Variants in RYR3 observed in about 807,000 individuals in gnomAD.
The protein encoded by RYR3 is brain ryanodine receptor-calcium release channel.
Under a neutral mutation model 584.3 loss-of-function variants are expected in RYR3, and 207 were observed. The ratio of observed to expected loss-of-function variants is 0.35; its 90% CI spans 0.32 to 0.40. The LOEUF (loss-of-function observed/expected upper bound fraction) is 0.40. Ranked by LOEUF, RYR3 falls within the 10% of genes least tolerant of loss-of-function variation. RYR3 has a pLI of 1.00. For missense variants in RYR3, 5,616 were observed against 6,089.2 expected, an observed-to-expected ratio of 0.92 and a Z score of 2.59; for synonymous variants, 2,416 against 2,248.5, an observed-to-expected ratio of 1.07 and a Z score of -2.11.
chr15:33,342,153 A>G (rs937166662), intron 1 of RYR3, among the ~76,000 whole-genome samples: 1 of 152,226 alleles, frequency 6.6e-6, no homozygotes, highest in African/African-American at 2.4e-5. Context: ...TAGTGGGCGT[A>G]TTACTTCGGC....
At chr15:33,856,960 G>C (rs1254133442) in intron 98 of RYR3, among the ~76,000 whole-genome samples, 1 of 152,062 alleles carries the variant, frequency 6.6e-6, no homozygotes, top group Non-Finnish European at 1.5e-5. Context: ...TGCCCGGCCT[G>C]GGGTTTTTTA....
chr15:33,572,747 G>A (rs2058098489), intron 12 of RYR3, among the ~76,000 whole-genome samples: 1 of 151,754 alleles, frequency 6.6e-6, no homozygotes, highest in South Asian at 2.1e-4. Flanking sequence ...GGCCAAGGTG[G>A]GCGAATCACC....
intron 1 of RYR3, among the ~76,000 whole-genome samples, chr15:33,346,695 A>G (rs8037480): frequency 0.077 from 11,746 of 152,226 alleles, 903 homozygotes; most frequent in African/African-American, 0.2. Flanking sequence ...ATGGTAGGCA[A>G]GGTTTTCCCC....
At chr15:33,562,313 A>T (rs1487650190) in intron 10 of RYR3, among the ~76,000 whole-genome samples, 3 of 152,228 alleles carry the variant, frequency 2.0e-5, no homozygotes, top group African/African-American at 7.2e-5. Context: ...ACATTAGCTT[A>T]AGCCACGGTA....
Position 33,628,564 on chromosome 15 carries a change from A to T in RYR3, c.2668A>T (p.Thr890Ser). ...WGMNKIELGW[T>S]FGKIRDDNKR... ...AATGAATAAAATAGAACTTGGCTGGACTTTCGGCAAGGTATGTGTCTCAGG... is the reference window on the plus strand; with the variant it reads ...AATGAATAAAATAGAACTTGGCTGGTCTTTCGGCAAGGTATGTGTCTCAGG... The change falls in exon 21 of 104, where the codon ACT becomes TCT. Residue 890 changes from threonine (T) to serine (S), a missense_variant. Thr to Ser is a moderately conservative substitution (Grantham distance 58, BLOSUM62 1). Transcript: ENST00000634891. 6.2e-7 allele frequency: 1 copy of T among 1,611,260 alleles called. No individual in the cohort carries two copies. The highest frequency in any genetic ancestry group is 8.5e-7 in the Non-Finnish European group (1 of 1,177,478).
At chr15:33,327,124 A>G (rs892156506) in intron 1 of RYR3, among the ~76,000 whole-genome samples, 3 of 152,230 alleles carry the variant, frequency 2.0e-5, no homozygotes, top group Non-Finnish European at 4.4e-5. Context: ...ATACAGCTAT[A>G]GAAGATGATT....
In RYR3 at chr15:33,631,326, T is replaced by G; in HGVS notation, c.2867+33T>G. On this transcript the variant is annotated intron_variant, in intron 23 of 103. Transcript: ENST00000634891. ...ATTTTTTTTTTAATGGTTCAAGACTTTAATGCTTCAGCCTGGATTTTTAAT... is the reference window on the plus strand; with the variant it reads ...ATTTTTTTTTTAATGGTTCAAGACTGTAATGCTTCAGCCTGGATTTTTAAT... 5.1e-6 allele frequency: 7 copies of G among 1,374,928 alleles called. No homozygotes were observed. In the South Asian group the frequency reaches 7.5e-5, roughly 15 times the overall value. The allele number at this position is 1,374,928 out of a possible 1,614,324, so 85.2% of individuals were successfully genotyped here.
intron 1 of RYR3, among the ~76,000 whole-genome samples, chr15:33,349,482 T>C (rs561413952): frequency 5.0e-4 from 76 of 152,314 alleles, no homozygotes; most frequent in Middle Eastern, 3.4e-3. Flanking sequence ...AATAGATGTT[T>C]AATGGTATCT....
At chr15:33,733,735 T>C (rs1038037859) in intron 48 of RYR3, among the ~76,000 whole-genome samples, 2 of 152,178 alleles carry the variant, frequency 1.3e-5, no homozygotes, top group African/African-American at 4.8e-5. Context: ...TTATGAAATT[T>C]GGGTGATAAC....
intron 9 of RYR3, among the ~76,000 whole-genome samples, chr15:33,549,574 G>A (rs1378515815): frequency 3.3e-5 from 5 of 152,190 alleles, no homozygotes; most frequent in Admixed American, 6.5e-5. Context: ...CCATGAAGAG[G>A]ACAGTATTCA....
intron 16 of RYR3, among the ~76,000 whole-genome samples, chr15:33,596,872 A>G (rs1051762007): frequency 6.7e-6 from 1 of 149,276 alleles, no homozygotes; most frequent in Non-Finnish European, 1.5e-5. Context: ...CTCTTCCCCC[A>G]CCCCTCCCTC....
At chr15:33,416,986 G>T (rs551353531) in intron 1 of RYR3, among the ~76,000 whole-genome samples, 1 of 152,154 alleles carries the variant, frequency 6.6e-6, no homozygotes, top group Non-Finnish European at 1.5e-5. Context: ...CTTTGTTGAA[G>T]ATTGGTTGGT....
intron 103 of RYR3, 95 bp downstream of exon 103, chr15:33,864,284 C>T (rs917468174): frequency 4.4e-6 from 4 of 919,330 alleles, no homozygotes; most frequent in Non-Finnish European, 5.0e-6. Context: ...CATACATGGC[C>T]CCATTAATCC....
At chr15:33,564,181 G>A (rs2057569625) in intron 11 of RYR3, among the ~76,000 whole-genome samples, 1 of 152,184 alleles carries the variant, frequency 6.6e-6, no homozygotes. Flanking sequence ...TTCAGCCAGG[G>A]CTTCTGGGAC....
intron 1 of RYR3, among the ~76,000 whole-genome samples, chr15:33,381,509 C>T (rs2041189434): frequency 6.6e-6 from 1 of 152,200 alleles, no homozygotes; most frequent in Non-Finnish European, 1.5e-5. Context: ...TCCTCTGCTG[C>T]CCCAGCCTGA....
chr15:33,814,346 C>T (rs1185415626), intron 74 of RYR3, among the ~76,000 whole-genome samples: 1 of 152,210 alleles, frequency 6.6e-6, no homozygotes, highest in Non-Finnish European at 1.5e-5. Context: ...ATATCAGCCT[C>T]TGCTTCACTG....
chr15:33,471,682 T>G (rs896937049), intron 1 of RYR3, among the ~76,000 whole-genome samples: 2 of 151,326 alleles, frequency 1.3e-5, no homozygotes, highest in African/African-American at 2.4e-5. Flanking sequence ...TTTTGGGGGG[T>G]TTTAAGTTTT....
rs1040516501 is a variant in RYR3 at position 33,748,138 on chromosome 15, G to A, written c.8014G>A (p.Ala2672Thr). 2 of 1,613,884 alleles carry A rather than the reference G, an allele frequency of 1.2e-6. No homozygotes were observed. The highest frequency in any genetic ancestry group is 1.7e-5 in the Admixed American group (1 of 60,024). ...GGAGAAGGAAATTTATCGCTGGCCT[G>A]CGCGAGAGTCCCTGAAAACCATGCT... ...EKEKEIYRWP[A>T]RESLKTMLAV... Residue 2672 changes from alanine (A) to threonine (T), a missense_variant, in exon 54 of 104, where the codon GCG becomes ACG. By Grantham distance (58) the Ala-to-Thr change is moderately conservative (BLOSUM62 0). This residue lies in a region of RYR3 where 1,280 missense variants were observed against 1,426.2 expected (regional missense o/e 0.90). Transcript: ENST00000634891.
intron 31 of RYR3, among the ~76,000 whole-genome samples, chr15:33,650,792 A>G (rs867122934): frequency 3.3e-5 from 5 of 152,240 alleles, no homozygotes; most frequent in Admixed American, 1.3e-4. Context: ...AAATTCACCT[A>G]TAAGTGGACC....
Sources: allele counts gnomAD v4.1 joint callset (sites outside exome capture counted in the v4.1 genomes callset), GRCh38; gene constraint gnomAD v4.1.1; regional missense constraint gnomAD v4.1.1; transcripts MANE v1.5; gene names NCBI Gene and HGNC (gene_info 2026-07-23, HGNC 2026-07-21).